The following KLHDC4 variants were observed in gnomAD, a reference collection of about 807,000 sequenced individuals.
KLHDC4 encodes kelch domain containing 4.
A neutral mutation model predicts 62.4 loss-of-function variants in KLHDC4; 90 were observed. The observed-to-expected ratio is 1.44, with a 90% CI of 1.22 to 1.72. KLHDC4 has a LOEUF of 1.72. Ranked by LOEUF, KLHDC4 falls within the 40% of genes most tolerant of loss-of-function variation. The probability of loss-of-function intolerance (pLI) is 0.00; values close to 1 mark genes in which losing one functional copy is unlikely to be tolerated. For missense variants in KLHDC4, 1,025 were observed against 699.7 expected (o/e 1.47, Z -5.25); for synonymous variants, 386 against 284.4 (o/e 1.36, Z -3.59).
intron 5 of KLHDC4, among the ~76,000 whole-genome samples, chr16:87,731,661 C>T (rs114425392): frequency 9.6e-4 from 146 of 151,920 alleles, no homozygotes; most frequent in African/African-American, 3.5e-3. Context: ...AGTGAAACAA[C>T]GGTGAAACAT....
At chr16:87,762,765 C>T (rs184978903) in intron 1 of KLHDC4, among the ~76,000 whole-genome samples, 11 of 152,310 alleles carry the variant, frequency 7.2e-5, no homozygotes, top group African/African-American at 2.4e-4. Flanking sequence ...GTGTTCCCGC[C>T]TCAGTCCCAG....
chr16:87,708,349 C>T lies in KLHDC4; in HGVS notation c.*1+1G>A, dbSNP rs1320238967. The T allele has an allele frequency of 6.3e-7, 1 of 1,588,372 alleles. No homozygotes were observed. Reference sequence around the variant, plus strand: ...CCACCCGCCAGCCCGAGCCCGCTCACCTCAGTCCTCCGCACCGCTCTCCTC... The same window carrying T: ...CCACCCGCCAGCCCGAGCCCGCTCATCTCAGTCCTCCGCACCGCTCTCCTC... On this transcript the variant is annotated splice_donor_variant, in intron 11 of 11. Transcript: ENST00000270583. LOFTEE classifies it low-confidence loss of function (3UTR_SPLICE).
At chr16:87,746,754 G>C (rs905871833) in intron 5 of KLHDC4, among the ~76,000 whole-genome samples, 3 of 152,172 alleles carry the variant, frequency 2.0e-5, no homozygotes, top group Non-Finnish European at 4.4e-5. Flanking sequence ...CTAGAGACTG[G>C]AACTGGGGGC....
At chr16:87,747,975 G>A (rs1171142995) in intron 5 of KLHDC4, among the ~76,000 whole-genome samples, 2 of 152,206 alleles carry the variant, frequency 1.3e-5, no homozygotes, top group African/African-American at 4.8e-5. Context: ...GGTGGGTCAT[G>A]GCCGCAGCAA....
chr16:87,728,482 TAAC>T (rs149157594), intron 6 of KLHDC4, among the ~76,000 whole-genome samples: 5,620 of 148,964 alleles, frequency 0.038, 338 homozygotes, highest in African/African-American at 0.13. Context: ...TTAAACAAGA[TAAC>T]AACAGCTTTG....
intron 4 of KLHDC4, among the ~76,000 whole-genome samples, chr16:87,751,776 C>T (rs1367739105): frequency 9.2e-5 from 14 of 151,938 alleles, no homozygotes; most frequent in Admixed American, 9.2e-4. Flanking sequence ...TAAAGCCATT[C>T]TTAAAAAATG....
At chr16:87,722,406 G>A (rs1287114204) in intron 7 of KLHDC4, among the ~76,000 whole-genome samples, 1 of 152,156 alleles carries the variant, frequency 6.6e-6, no homozygotes, top group East Asian at 1.9e-4. Flanking sequence ...CTACAGGCAG[G>A]TCCAGCCCCA....
chr16:87,719,183 T>C (rs775461613), intron 7 of KLHDC4, among the ~76,000 whole-genome samples: 2 of 152,204 alleles, frequency 1.3e-5, no homozygotes, highest in Non-Finnish European at 2.9e-5. Context: ...CAACAGCTCA[T>C]TGAGAATGGG....
Position 87,761,799 on chromosome 16 carries a change from G to A in KLHDC4, c.191+150C>T, listed in dbSNP as rs2045933894. 4 of 781,024 alleles carry A rather than the reference G, an allele frequency of 5.1e-6. No individual in the cohort carries two copies. The South Asian group carries it at 6.3e-5, about 12-fold the overall frequency. The allele number at this position is 781,024 out of a possible 1,614,324, so 48.4% of individuals were successfully genotyped here. ...CAGTAAAGCTTACAGCCTCATTCCAGTTCTTCAGCAGAAAGTGACCAAGAA... is the reference window on the plus strand; with the variant it reads ...CAGTAAAGCTTACAGCCTCATTCCAATTCTTCAGCAGAAAGTGACCAAGAA... On this transcript the variant is annotated intron_variant, in intron 2 of 11. Coordinates refer to ENST00000270583, the MANE Select transcript of KLHDC4 (RefSeq NM_017566.4).
chr16:87,746,889 G>A (rs2043120182), intron 5 of KLHDC4, among the ~76,000 whole-genome samples: 1 of 152,192 alleles, frequency 6.6e-6, no homozygotes, highest in Non-Finnish European at 1.5e-5. Flanking sequence ...CGAGGAATGA[G>A]GTGTCTGTTT....
intron 5 of KLHDC4, among the ~76,000 whole-genome samples, chr16:87,739,302 C>A (rs1346429208): frequency 7.4e-6 from 1 of 135,046 alleles, no homozygotes; most frequent in South Asian, 2.7e-4. Context: ...TCCATCCACA[C>A]ACCAGCACCT....
intron 5 of KLHDC4, among the ~76,000 whole-genome samples, chr16:87,735,692 G>C (rs1035610274): frequency 6.6e-6 from 1 of 152,184 alleles, no homozygotes; most frequent in African/African-American, 2.4e-5. Context: ...ACCCCAACAG[G>C]CTTCTCAAAA....
chr16:87,741,162 T>A (rs1462202428), intron 5 of KLHDC4, among the ~76,000 whole-genome samples: 1 of 152,214 alleles, frequency 6.6e-6, no homozygotes, highest in South Asian at 2.1e-4. Flanking sequence ...GTTGCTAGAA[T>A]GGAGAAGACA....
intron 5 of KLHDC4, among the ~76,000 whole-genome samples, chr16:87,735,000 GCCCCT>G (rs576261623): frequency 2.5e-5 from 2 of 79,936 alleles, no homozygotes; most frequent in African/African-American, 6.2e-5. Context: ...ATTGCCTGAC[GCCCCT>G]CCCCCTCCTG....
intron 1 of KLHDC4, chr16:87,765,462 C>A (rs138514228): frequency 2.0e-6 from 1 of 501,990 alleles, no homozygotes; most frequent in Non-Finnish European, 3.9e-6. Flanking sequence ...CCTCTTCTCA[C>A]CACCCAGCCT....
rs2035714318 is a variant in KLHDC4, at chr16:87,711,089, G to T, written c.1044+146C>A. 3 of 710,074 alleles carry T rather than the reference G, an allele frequency of 4.2e-6. No individual in the cohort carries two copies. In the African/African-American group the frequency reaches 5.3e-5, roughly 13 times the overall value. 44.0% of individuals were successfully genotyped at this position (710,074 alleles called of 1,614,324 possible). On this transcript the variant is annotated intron_variant, in intron 9 of 11. Transcript: ENST00000270583. The stretch of plus-strand genomic sequence containing the variant: ...TCTCCAAGCCTAGTCACCCAGGACA[G>T]TCAGAGACGGAACCCTCGCCCCTCT...
At chr16:87,761,811 A>G (rs1024475308) in intron 2 of KLHDC4, 138 bp downstream of exon 2, 1 of 851,178 alleles carries the variant, frequency 1.2e-6, no homozygotes, top group Non-Finnish European at 1.9e-6. Context: ...TCTTCAGCAG[A>G]AAGTGACCAA....
intron 8 of KLHDC4, 117 bp from the exon 9 acceptor site, chr16:87,711,560 G>A: frequency 1.2e-6 from 1 of 813,496 alleles, no homozygotes; most frequent in East Asian, 2.7e-5. Flanking sequence ...AAAACCGTGA[G>A]ACTGTGGGCA....
At chr16:87,727,916 T>C (rs1406627099) in intron 6 of KLHDC4, among the ~76,000 whole-genome samples, 1 of 152,168 alleles carries the variant, frequency 6.6e-6, no homozygotes, top group Non-Finnish European at 1.5e-5. Flanking sequence ...CTGGGCACAG[T>C]GGCTCACACC....
Sources: gnomAD v4.1 joint callset for allele counts (sites outside exome capture counted in the v4.1 genomes callset) on GRCh38, gnomAD v4.1.1 for gene constraint, MANE v1.5 for transcripts, NCBI Gene and HGNC (gene_info 2026-07-23, HGNC 2026-07-21) for gene names.